ANO4: variants seen among roughly 807,000 people sequenced by gnomAD.
ANO4 encodes anoctamin-4.
ANO4 carries 69 observed loss-of-function variants against 141.9 expected under a neutral mutation model. The ratio of observed to expected loss-of-function variants is 0.49; its 90% CI spans 0.40 to 0.59. The LOEUF is 0.59. Ranked by LOEUF, ANO4 falls within the 20% of genes least tolerant of loss-of-function variation. ANO4 has a pLI of 0.00. For synonymous variants in ANO4, 350 were observed against 394.3 expected (o/e 0.89, Z 1.33); for missense variants, 894 against 1,162.2 (o/e 0.77, Z 3.36).
chr12:100,856,407 A>G (rs1433868924), intron 1 of ANO4, among the ~76,000 whole-genome samples: 1 of 152,152 alleles, frequency 6.6e-6, no homozygotes, highest in East Asian at 1.9e-4. Flanking sequence ...TTTTCAAGAA[A>G]AATTTGTTTA....
intron 1 of ANO4, among the ~76,000 whole-genome samples, chr12:100,886,119 C>T (rs2039814210): frequency 6.6e-6 from 1 of 152,156 alleles, no homozygotes; most frequent in African/African-American, 2.4e-5. Flanking sequence ...TCCCCACTTC[C>T]ACTGCTCTGA....
intron 14 of ANO4, among the ~76,000 whole-genome samples, chr12:101,072,149 A>C (rs2048840068): frequency 6.6e-6 from 1 of 152,158 alleles, no homozygotes; most frequent in Non-Finnish European, 1.5e-5. Flanking sequence ...GGTTTTCCTT[A>C]TGATCTTTCA....
rs192490712 is a variant in ANO4 at position 101,086,299 on chromosome 12, T to C, written c.1537-361T>C. On this transcript the variant is annotated intron_variant, in intron 16 of 27. Coordinates refer to ENST00000392977, the MANE Select transcript of ANO4 (RefSeq NM_001286615.2). ...TTGCAGGCTGCGTAAGGGTTTTGCT[T>C]TTATCCTAGAATAATAGGAAACTAA... Among the ~76,000 whole-genome samples, 426 of 152,156 alleles carry C rather than the reference T, an allele frequency of 2.8e-3. 1 individual carries two copies. Among genetic ancestry groups the C allele is most frequent in the Non-Finnish European group, 3.4e-3 (234 of 67,984 alleles).
chr12:100,930,524 C>T (rs1168722244), intron 3 of ANO4, among the ~76,000 whole-genome samples: 1 of 152,266 alleles, frequency 6.6e-6, no homozygotes, highest in East Asian at 1.9e-4. Context: ...GTTCTCTGTT[C>T]TGTTCCACTA....
chr12:100,929,080 G>A (rs1368387805), intron 3 of ANO4, among the ~76,000 whole-genome samples: 1 of 151,652 alleles, frequency 6.6e-6, no homozygotes, highest in East Asian at 1.9e-4. Context: ...GTGTAAATGG[G>A]GTATCCACCA....
chr12:100,749,354 C>T (rs1464846703), intron 3 of ANO4, among the ~76,000 whole-genome samples: 2 of 152,134 alleles, frequency 1.3e-5, no homozygotes, highest in African/African-American at 2.4e-5. Context: ...AGTTGGGAAC[C>T]GCCTGGACTT....
intron 17 of ANO4, among the ~76,000 whole-genome samples, chr12:101,092,776 T>G (rs1042498220): frequency 3.9e-5 from 6 of 152,202 alleles, no homozygotes; most frequent in African/African-American, 1.4e-4. Flanking sequence ...CAAAGGCATA[T>G]CCTCAGCTCC....
At chr12:100,754,827 A>G (rs2032539638) in intron 3 of ANO4, among the ~76,000 whole-genome samples, 1 of 152,174 alleles carries the variant, frequency 6.6e-6, no homozygotes, top group Non-Finnish European at 1.5e-5. Flanking sequence ...AAAATACCAC[A>G]TCTTGTATGA....
Position 100,815,753 on chromosome 12 carries a change from A to ATG in ANO4, c.-141+20742_-141+20743dup, listed in dbSNP as rs71691565. On this transcript the variant is annotated intron_variant, in intron 1 of 27. Coordinates refer to ENST00000392977, the MANE Select transcript of ANO4 (RefSeq NM_001286615.2). ...ATTTAGCAAATAACTTTACATATAT[A>ATG]TGTGTGTGTGTGTGTGTTTGTGTGT... 5.1e-3 allele frequency among the ~76,000 whole-genome samples: 767 copies of ATG among 150,536 alleles called. 13 individuals carry two copies. Among genetic ancestry groups the ATG allele is most frequent in the East Asian group, 0.032 (165 of 5,144 alleles).
chr12:100,865,062 T>C (rs1046894852), intron 1 of ANO4, among the ~76,000 whole-genome samples: 1 of 152,176 alleles, frequency 6.6e-6, no homozygotes, highest in Non-Finnish European at 1.5e-5. Context: ...TCCAAGTCTT[T>C]GCTATCGTGA....
At chr12:100,727,600 T>G (rs1318772996) in intron 1 of ANO4, among the ~76,000 whole-genome samples, 1 of 152,192 alleles carries the variant, frequency 6.6e-6, no homozygotes, top group South Asian at 2.1e-4. Context: ...TTAGTTTTTT[T>G]TGGTTGTTGT....
chr12:101,110,460 C>T lies in ANO4; in HGVS notation c.2206C>T (p.Leu736=), dbSNP rs1184313862. The T allele has an allele frequency of 1.2e-6, 2 of 1,612,686 alleles. No homozygotes were observed. The highest frequency in any genetic ancestry group is 1.7e-5 in the Admixed American group (1 of 59,800). ...FVAAFPLAPL[L]ALLNNIIEIR... ...GGCAGCTTTTCCCCTAGCACCACTT[C>T]TGGCCTTACTGAATAACATAATTGA... is the stretch of plus-strand genomic sequence containing the variant. The change falls in exon 23 of 28, where the codon CTG becomes TTG. Residue 736 remains leucine, a synonymous_variant. Transcript: ENST00000392977.
chr12:100,809,176 C>G (rs575878979), intron 1 of ANO4, among the ~76,000 whole-genome samples: 1 of 152,006 alleles, frequency 6.6e-6, no homozygotes, highest in Admixed American at 6.6e-5. Flanking sequence ...CACTTGAGAC[C>G]AGGAGTTCCA....
intron 1 of ANO4, among the ~76,000 whole-genome samples, chr12:100,891,721 T>G (rs569174516): frequency 6.6e-6 from 1 of 152,328 alleles, no homozygotes; most frequent in East Asian, 1.9e-4. Context: ...ATCAATGCAA[T>G]TAATACATAT....
chr12:101,075,931 T>G (rs1593202724), intron 14 of ANO4, among the ~76,000 whole-genome samples: 1 of 152,156 alleles, frequency 6.6e-6, no homozygotes, highest in South Asian at 2.1e-4. Context: ...AGAGACAACC[T>G]GTCTTGGTTT....
upstream of ANO4, among the ~76,000 whole-genome samples, chr12:100,793,167 G>C (rs1424653075): frequency 6.6e-6 from 1 of 152,178 alleles, no homozygotes; most frequent in Non-Finnish European, 1.5e-5. Flanking sequence ...CATCTCTGTA[G>C]CCCTGATGCA....
intron 14 of ANO4, among the ~76,000 whole-genome samples, chr12:101,058,450 G>A (rs1297729579): frequency 6.6e-6 from 1 of 152,122 alleles, no homozygotes; most frequent in Non-Finnish European, 1.5e-5. Context: ...AATTACTTGG[G>A]GAAGTATGGC....
chr12:100,971,372 T>G lies in ANO4; in HGVS notation c.523T>G (p.Tyr175Asp). The G allele has an allele frequency of 1.2e-6, 2 of 1,610,004 alleles. No individual in the cohort carries two copies. The highest frequency in any genetic ancestry group is 1.7e-6 in the Non-Finnish European group (2 of 1,177,010). Residue 175 changes from tyrosine to aspartate, a missense_variant, in exon 6 of 28, where the codon TAT becomes GAT. This residue lies in a region of ANO4 where 257 missense variants were observed against 253.0 expected (regional missense o/e 1.02). Coordinates refer to ENST00000392977, the MANE Select transcript of ANO4 (RefSeq NM_001286615.2). ...LHAPWEVLGR[Y>D]AEQMNVRMPF... ...TGCCCCATGGGAAGTCCTTGGAAGA[T>G]ATGCAGAACAAATGAATGTAAGAAT... is the stretch of plus-strand genomic sequence containing the variant.
chr12:100,884,931 G>A (rs1443800562), intron 1 of ANO4, among the ~76,000 whole-genome samples: 3 of 152,224 alleles, frequency 2.0e-5, no homozygotes, highest in African/African-American at 7.2e-5. Context: ...CTGACCTCAG[G>A]TGATCCGCCC....
Sources: gnomAD v4.1 joint callset for allele counts (sites outside exome capture counted in the v4.1 genomes callset) on GRCh38, gnomAD v4.1.1 for gene constraint, gnomAD v4.1.1 regional missense constraint, MANE v1.5 for transcripts, NCBI Gene and HGNC (gene_info 2026-07-23, HGNC 2026-07-21) for gene names.